Variants in CUL2 observed in about 807,000 individuals in gnomAD.
CUL2 encodes cullin 2.
CUL2 carries 22 observed loss-of-function variants against 110.2 expected under a neutral mutation model. That is an observed-to-expected ratio of 0.20 (90% CI 0.14 to 0.28). The LOEUF (loss-of-function observed/expected upper bound fraction) is 0.28. Among genes scored for constraint, CUL2 ranks in the 10% least tolerant of loss-of-function variants. The pLI is 1.00. For synonymous variants in CUL2, 279 were observed against 293.2 expected (o/e 0.95, Z 0.49); for missense variants, 631 against 905.5 (o/e 0.70, Z 3.89).
chr10:35,082,208 C>T (rs1365289255), intron 1 of CUL2, among the ~76,000 whole-genome samples: 1 of 152,108 alleles, frequency 6.6e-6, no homozygotes, highest in Admixed American at 6.5e-5. Flanking sequence ...CAGAGCCAGA[C>T]CTTGTCTCTC....
intron 1 of CUL2, among the ~76,000 whole-genome samples, chr10:35,087,667 C>T (rs1360891677): frequency 6.6e-6 from 1 of 152,148 alleles, no homozygotes; most frequent in African/African-American, 2.4e-5. Context: ...AGAATTGACC[C>T]ATCCCAACTG....
chr10:35,013,831 T>C (rs888266405), intron 18 of CUL2, 31 bp from the exon 19 acceptor site: 37 of 1,336,552 alleles, frequency 2.8e-5, no homozygotes, highest in Non-Finnish European at 3.7e-5. Context: ...TTTATATTTA[T>C]AAAAACCAAA....
At chr10:35,097,236 A>G (rs574129580) in intron 2 of CUL2, among the ~76,000 whole-genome samples, 2 of 152,184 alleles carry the variant, frequency 1.3e-5, no homozygotes, top group Non-Finnish European at 2.9e-5. Flanking sequence ...AGAAAAATGT[A>G]TAAATACTGA....
At chr10:35,020,785 C>CAA (rs2085161049) in intron 17 of CUL2, among the ~76,000 whole-genome samples, 1 of 152,066 alleles carries the variant, frequency 6.6e-6, no homozygotes, top group African/African-American at 2.4e-5. Context: ...TGTTCCTTAT[C>CAA]GTTAATTCTA....
rs73260834 is a variant in CUL2 at position 35,116,492 on chromosome 10, C to T, written c.-51+10113G>A. ...AAAGATCTATATCTATTGTTTCTCT[C>T]TGATGATGTTTAATTTCACAGTAAT... On this transcript the variant is annotated intron_variant, in intron 1 of 5. Coordinates refer to the CUL2 transcript ENST00000685421. Among the ~76,000 whole-genome samples the T allele has an allele frequency of 3.8e-3, 572 of 152,254 alleles. 6 individuals carry two copies. The highest frequency in any genetic ancestry group is 0.013 in the African/African-American group (531 of 41,546).
At chr10:35,109,898 G>T (rs993640417) in intron 1 of CUL2, among the ~76,000 whole-genome samples, 2 of 152,204 alleles carry the variant, frequency 1.3e-5, no homozygotes, top group South Asian at 2.1e-4. Flanking sequence ...AGTGGGCCAG[G>T]CATGGTGGCT....
chr10:35,035,426 C>T (rs990541732), intron 9 of CUL2, 130 bp from the exon 10 acceptor site: 1 of 888,678 alleles, frequency 1.1e-6, no homozygotes, highest in African/African-American at 1.7e-5. Flanking sequence ...TCCCCCATGC[C>T]CACCTCCCAG....
intron 17 of CUL2, among the ~76,000 whole-genome samples, chr10:35,023,759 G>GAA (rs71523353): frequency 6.8e-6 from 1 of 147,676 alleles, no homozygotes; most frequent in African/African-American, 2.5e-5. Context: ...TTTCTTAGGG[G>GAA]AAAAAAAAAA....
At chr10:35,126,519 G>A (rs2087835402) in intron 1 of CUL2, 1 of 152,568 alleles carries the variant, frequency 6.6e-6, no homozygotes, top group African/African-American at 2.4e-5. Flanking sequence ...AGAGAGCCGA[G>A]ACCACGCCAC....
intron 5 of CUL2, 145 bp from the exon 6 acceptor site, chr10:35,049,910 T>A: frequency 1.8e-6 from 1 of 555,652 alleles, no homozygotes; most frequent in Non-Finnish European, 3.2e-6. Flanking sequence ...GAACAAAAAT[T>A]TAAAAACTCA....
chr10:35,094,617 G>A (rs538151559), upstream of CUL2, among the ~76,000 whole-genome samples: 1 of 152,312 alleles, frequency 6.6e-6, no homozygotes, highest in African/African-American at 2.4e-5. Flanking sequence ...CTCTCATCAT[G>A]TTCCTCTTAA....
At chr10:35,060,607 A>G (rs2086357310) in intron 4 of CUL2, among the ~76,000 whole-genome samples, 1 of 152,200 alleles carries the variant, frequency 6.6e-6, no homozygotes, top group Admixed American at 6.5e-5. Context: ...AACATGTGCT[A>G]CAGGTTGTAA....
chr10:35,040,693 T>A (rs2085762218), intron 8 of CUL2, among the ~76,000 whole-genome samples: 1 of 152,156 alleles, frequency 6.6e-6, no homozygotes, highest in African/African-American at 2.4e-5. Flanking sequence ...GGCACCAGGC[T>A]CTGCTTTTGT....
chr10:35,036,062 A>G (rs1368775647), intron 9 of CUL2, among the ~76,000 whole-genome samples: 1 of 152,254 alleles, frequency 6.6e-6, no homozygotes. Flanking sequence ...CACACGCAGG[A>G]TAAGAAACAG....
Position 35,034,012 on chromosome 10 carries a change from A to G in CUL2, c.1003-739T>C, listed in dbSNP as rs551613841. 3.3e-5 allele frequency among the ~76,000 whole-genome samples: 5 copies of G among 152,362 alleles called. No homozygotes were observed. The South Asian group carries it at 1.0e-3, about 32-fold the overall frequency. On this transcript the variant is annotated intron_variant, in intron 10 of 20. Transcript: ENST00000374749. ...TTAAAAAGCCAATAATCCTGAGAAC[A>G]GAGACCCCTTGAACTCGGCAAGACA...
intron 5 of CUL2, among the ~76,000 whole-genome samples, 177 bp from the exon 6 acceptor site, chr10:35,049,942 G>A (rs1006042026): frequency 6.6e-6 from 1 of 152,020 alleles, no homozygotes; most frequent in African/African-American, 2.4e-5. Flanking sequence ...TTTCTAATTT[G>A]AAATATCAGT....
At chr10:35,012,497 G>T (rs1036359182) in intron 19 of CUL2, among the ~76,000 whole-genome samples, 6 of 152,080 alleles carry the variant, frequency 3.9e-5, no homozygotes, top group Non-Finnish European at 8.8e-5. Context: ...GAGCTGTGAA[G>T]TGGCATTTTA....
At chr10:35,048,716 A>T (rs2086014912) in intron 6 of CUL2, among the ~76,000 whole-genome samples, 1 of 152,220 alleles carries the variant, frequency 6.6e-6, no homozygotes, top group South Asian at 2.1e-4. Flanking sequence ...AAAACAATGG[A>T]ATCACTCAAA....
intron 2 of CUL2, among the ~76,000 whole-genome samples, chr10:35,096,019 G>A (rs996886012): frequency 1.8e-4 from 28 of 151,670 alleles, no homozygotes; most frequent in Non-Finnish European, 1.8e-4. Flanking sequence ...AGTCCGAGGC[G>A]GGTGGATTGC....
Sources: gnomAD v4.1 joint callset for allele counts (sites outside exome capture counted in the v4.1 genomes callset) on GRCh38, gnomAD v4.1.1 for gene constraint, MANE v1.5 for transcripts, NCBI Gene and HGNC (gene_info 2026-07-23, HGNC 2026-07-21) for gene names.